LIPG: variants seen among roughly 807,000 people sequenced by gnomAD.
LIPG encodes lipase G, endothelial type.
Under a neutral mutation model 51.8 loss-of-function variants are expected in LIPG, and 34 were observed. That is an observed-to-expected ratio of 0.66 (90% CI 0.50 to 0.87). LIPG has a LOEUF of 0.87. LIPG is among the 40% of genes least tolerant of loss of function. The pLI is 0.00. For missense variants in LIPG, 580 were observed against 652.7 expected (o/e 0.89, Z 1.21); for synonymous variants, 246 against 246.1 (o/e 1.00, Z 0.00).
Position 49,594,891 on chromosome 18 carries a change from AT to A in LIPG, c.*4370del, listed in dbSNP as rs1430412903. On this transcript the variant is annotated 3_prime_UTR_variant, in exon 10 of 10. Transcript: ENST00000261292. ...GAAAGCAGAAAATGGTGTCTCTGGC[AT>A]AGTAAAGAAAATTGTTGAAATTTCC... 2 of 152,218 alleles carry A rather than the reference AT, an allele frequency of 1.3e-5. No homozygotes were observed. The highest frequency in any genetic ancestry group is 4.8e-5 in the African/African-American group (2 of 41,450). The allele number at this position is 152,218 out of a possible 1,614,324, so 9.4% of individuals were successfully genotyped here. A position where few individuals can be genotyped will look rare whatever the true frequency, so the allele number is the denominator to read the frequency against.
At position 49,562,081 on chromosome 18, in the gene LIPG, G is replaced by A. The variant is rs1189789004; in HGVS notation, c.-228G>A. On this transcript the variant is annotated 5_prime_UTR_variant, in exon 1 of 10. Transcript: ENST00000261292. ...CAGCAGCGAGTCCTTGCCTCCCGGC[G>A]GCTCAGGACGAGGGCAGATCTCGTT... 6.9e-7 allele frequency: 1 copy of A among 1,440,074 alleles called. No homozygotes were observed. Among genetic ancestry groups the A allele is most frequent in the African/African-American group, 1.4e-5 (1 of 69,838 alleles). The allele number at this position is 1,440,074 out of a possible 1,614,324, so 89.2% of individuals were successfully genotyped here. A position where few individuals can be genotyped will look rare whatever the true frequency, so the allele number is the denominator to read the frequency against.
At chr18:49,564,702 TA>T (rs371958303) in intron 1 of LIPG, among the ~76,000 whole-genome samples, 9 of 152,242 alleles carry the variant, frequency 5.9e-5, no homozygotes, top group African/African-American at 2.2e-4. Context: ...ATGTGTTTGG[TA>T]ACTTGTTTGG....
intron 5 of LIPG, among the ~76,000 whole-genome samples, chr18:49,580,720 T>A (rs1568533995): frequency 6.6e-6 from 1 of 152,162 alleles, no homozygotes; most frequent in Non-Finnish European, 1.5e-5. Context: ...TGAGATGATG[T>A]TTAGGATCTG....
chr18:49,569,336 T>C, intron 3 of LIPG, 101 bp from the exon 4 acceptor site: 1 of 972,848 alleles, frequency 1.0e-6, no homozygotes, highest in Non-Finnish European at 1.6e-6. Flanking sequence ...CCACGGCCCC[T>C]GCATCTCCTC....
At chr18:49,568,110 A>G (rs1600544791) in intron 3 of LIPG, among the ~76,000 whole-genome samples, 1 of 151,966 alleles carries the variant, frequency 6.6e-6, no homozygotes, top group Non-Finnish European at 1.5e-5. Flanking sequence ...GTTCACTGCA[A>G]CCTCCACCTC....
intron 4 of LIPG, 21 bp downstream of exon 4, chr18:49,569,569 T>A: frequency 6.3e-7 from 1 of 1,575,182 alleles, no homozygotes; most frequent in African/African-American, 1.3e-5. Flanking sequence ...CTTCCATCAC[T>A]AAAGGGCTCC....
intron 4 of LIPG, among the ~76,000 whole-genome samples, chr18:49,569,942 G>C (rs2084646168): frequency 1.3e-5 from 2 of 152,194 alleles, no homozygotes; most frequent in Admixed American, 1.3e-4. Context: ...GAGACAACTT[G>C]CCCAGGGGCA....
At chr18:49,574,027 T>A (rs1270800074) in intron 4 of LIPG, among the ~76,000 whole-genome samples, 1 of 152,168 alleles carries the variant, frequency 6.6e-6, no homozygotes, top group East Asian at 1.9e-4. Flanking sequence ...AATAAAAAGG[T>A]CTCCAGGAAT....
intron 1 of LIPG, among the ~76,000 whole-genome samples, chr18:49,564,406 A>G (rs2084581229): frequency 6.6e-6 from 1 of 152,256 alleles, no homozygotes; most frequent in African/African-American, 2.4e-5. Context: ...CACAGTGGCC[A>G]TCAGTGACAT....
chr18:49,567,577 A>G lies in LIPG; in HGVS notation c.415A>G (p.Arg139Gly), dbSNP rs772141690. Reference protein sequence around the residue: ...QLYTDAVNNTRVVGHSIARML... With the variant: ...QLYTDAVNNTGVVGHSIARML... Reference sequence around the variant, plus strand: ...TTACACGGATGCGGTCAATAATACCAGGGTGGTGGGACACAGCATTGCCAG... The same window carrying G: ...TTACACGGATGCGGTCAATAATACCGGGGTGGTGGGACACAGCATTGCCAG... The change falls in exon 3 of 10, where the codon AGG (arginine) becomes GGG (glycine). Residue 139 changes from arginine (R) to glycine (G), a missense_variant. Coordinates refer to ENST00000261292, the MANE Select transcript of LIPG (RefSeq NM_006033.4). 6.8e-6 allele frequency: 11 copies of G among 1,614,002 alleles called. No individual in the cohort carries two copies. The highest frequency in any genetic ancestry group is 1.7e-5 in the Admixed American group (1 of 59,996).
At chr18:49,580,648 A>G (rs1450337893) in intron 5 of LIPG, among the ~76,000 whole-genome samples, 11 of 151,698 alleles carry the variant, frequency 7.3e-5, no homozygotes, top group Non-Finnish European at 1.3e-4. Flanking sequence ...CAAAAACAAA[A>G]CAAAGCAAAG....
intron 4 of LIPG, among the ~76,000 whole-genome samples, chr18:49,570,593 G>A (rs2148849042): frequency 6.6e-6 from 1 of 152,292 alleles, no homozygotes; most frequent in South Asian, 2.1e-4. Context: ...CACTTTGGGA[G>A]GCCGAGGTGG....
intron 1 of LIPG, among the ~76,000 whole-genome samples, chr18:49,562,870 G>A (rs2084566023): frequency 6.6e-6 from 1 of 152,198 alleles, no homozygotes. Context: ...GGTTTGATTC[G>A]TGCTTGCAGG....
chr18:49,573,045 TG>T (rs2084679876), intron 4 of LIPG, among the ~76,000 whole-genome samples: 1 of 152,180 alleles, frequency 6.6e-6, no homozygotes, highest in African/African-American at 2.4e-5. Flanking sequence ...AGGCTCTGGC[TG>T]GGTAGGTGAA....
At chr18:49,572,026 G>C (rs1472879378) in intron 4 of LIPG, among the ~76,000 whole-genome samples, 1 of 152,132 alleles carries the variant, frequency 6.6e-6, no homozygotes, top group Non-Finnish European at 1.5e-5. Context: ...TACCTCATGT[G>C]TGGCCGGGCG....
At chr18:49,580,437 A>G (rs1259663920) in intron 5 of LIPG, among the ~76,000 whole-genome samples, 1 of 152,186 alleles carries the variant, frequency 6.6e-6, no homozygotes, top group Non-Finnish European at 1.5e-5. Context: ...AGCCATGACA[A>G]TATATAAACA....
chr18:49,582,524 A>AG lies in LIPG; in HGVS notation c.1157+44dup. On this transcript the variant is annotated intron_variant, in intron 7 of 9. Coordinates refer to ENST00000261292, the MANE Select transcript of LIPG (RefSeq NM_006033.4). Reference sequence around the variant, plus strand: ...CCTTGCTGGGTTCGGGACAGAGAACAGGTTGGTTTGAGAATGAGAGAGCAC... The same window carrying AG: ...CCTTGCTGGGTTCGGGACAGAGAACAGGGTTGGTTTGAGAATGAGAGAGCAC... 3 of 1,613,968 alleles carry AG rather than the reference A, an allele frequency of 1.9e-6. No individual in the cohort carries two copies. The South Asian group carries it at 3.3e-5, about 18-fold the overall frequency.
intron 4 of LIPG, among the ~76,000 whole-genome samples, chr18:49,570,193 C>G (rs181869631): frequency 2.4e-4 from 36 of 152,320 alleles, no homozygotes; most frequent in African/African-American, 7.2e-4. Flanking sequence ...ATAAAAGGAA[C>G]CTTTCTGATA....
At position 49,596,784 on chromosome 18, in the gene LIPG, C is replaced by A. The variant is rs561926625; in HGVS notation, c.*6262C>A. On this transcript the variant is annotated 3_prime_UTR_variant, in exon 10 of 10. Transcript: ENST00000261292. ...GTCCCCTGGTGCCCCCTTTCCTGGCCCCTGTGACATATTGTCATGTAGCTC... is the reference window on the plus strand; with the variant it reads ...GTCCCCTGGTGCCCCCTTTCCTGGCACCTGTGACATATTGTCATGTAGCTC... 3.1e-3 allele frequency: 473 copies of A among 153,322 alleles called. 2 individuals carry two copies. Among genetic ancestry groups the A allele is most frequent in the Non-Finnish European group, 5.3e-3 (364 of 68,796 alleles). 9.5% of individuals were successfully genotyped at this position (153,322 alleles called of 1,614,324 possible).
Sources: allele counts gnomAD v4.1 joint callset (sites outside exome capture counted in the v4.1 genomes callset), GRCh38; gene constraint gnomAD v4.1.1; transcripts MANE v1.5; gene names NCBI Gene and HGNC (gene_info 2026-07-23, HGNC 2026-07-21).